PDE5A: variants seen among roughly 807,000 people sequenced by gnomAD.
PDE5A encodes the protein phosphodiesterase 5A, also known as cGMP-specific 3',5'-cyclic phosphodiesterase.
PDE5A carries 67 observed loss-of-function variants against 110.2 expected under a neutral mutation model. The ratio of observed to expected loss-of-function variants is 0.61; its 90% CI spans 0.50 to 0.75. The LOEUF is 0.75. Ranked by LOEUF, PDE5A falls within the 30% of genes least tolerant of loss-of-function variation. The probability of loss-of-function intolerance (pLI) is 0.00; values close to 1 mark genes in which losing one functional copy is unlikely to be tolerated. For missense variants in PDE5A, 862 were observed against 1,045.1 expected (o/e 0.82, Z 2.42); for synonymous variants, 328 against 351.2 (o/e 0.93, Z 0.74).
chr4:119,567,104 T>C lies in PDE5A; in HGVS notation c.872A>G (p.Asn291Ser). The C allele has an allele frequency of 4.3e-6, 7 of 1,613,594 alleles. No individual in the cohort carries two copies. Among genetic ancestry groups the C allele is most frequent in the Non-Finnish European group, 5.9e-6 (7 of 1,179,604 alleles). Residue 291 changes from asparagine to serine, a missense_variant, in exon 4 of 21, where the codon AAC becomes AGC. Physicochemically the swap from Asn to Ser is conservative, Grantham distance 46 (BLOSUM62 1). Transcript: ENST00000354960. ...ATCTTTTTCAGTAAATGTCCCACCG[T>C]TTCCTGATTTCTTGTTGATGGCCTG... ...VAQAINKKSG[N>S]GGTFTEKDEK... is the part of the protein sequence containing the mutation.
chr4:119,604,602 A>C lies in PDE5A; in HGVS notation c.741+2107T>G, dbSNP rs540803992. Among the ~76,000 whole-genome samples the C allele has an allele frequency of 3.3e-5, 5 of 152,296 alleles. No homozygotes were observed. The South Asian group carries it at 1.0e-3, about 32-fold the overall frequency. ...TCTATGAAGACCAGTAAATTTTTCCAAGAGAATCAAAATTGAACACATTGC... is the reference window on the plus strand; with the variant it reads ...TCTATGAAGACCAGTAAATTTTTCCCAGAGAATCAAAATTGAACACATTGC... On this transcript the variant is annotated intron_variant, in intron 2 of 20. Transcript: ENST00000354960.
chr4:119,517,010 C>T (rs1725932268), intron 14 of PDE5A: 1 of 152,168 alleles, frequency 6.6e-6, no homozygotes, highest in South Asian at 2.1e-4. Context: ...CTGTAGAACT[C>T]CTCTACGAGG....
intron 10 of PDE5A, chr4:119,541,932 T>C (rs980364567): frequency 2.0e-5 from 3 of 152,210 alleles, no homozygotes; most frequent in African/African-American, 7.2e-5. Flanking sequence ...AAGTAGGGTA[T>C]ATAAATTTAT....
chr4:119,553,372 G>C (rs924704088), intron 8 of PDE5A, among the ~76,000 whole-genome samples: 2 of 146,614 alleles, frequency 1.4e-5, no homozygotes, highest in South Asian at 2.1e-4. Context: ...ACATTATGTA[G>C]GTAATAGCTA....
intron 1 of PDE5A, among the ~76,000 whole-genome samples, chr4:119,615,654 T>C (rs1351856314): frequency 2.0e-5 from 3 of 150,662 alleles, no homozygotes; most frequent in Non-Finnish European, 4.4e-5. Context: ...ACAGTTTAAA[T>C]TACATCATAG....
intron 11 of PDE5A, among the ~76,000 whole-genome samples, chr4:119,530,815 T>C (rs1183662623): frequency 6.6e-6 from 1 of 152,172 alleles, no homozygotes; most frequent in Non-Finnish European, 1.5e-5. Context: ...ACAGTATTCA[T>C]ATTAGTAATG....
intron 1 of PDE5A, among the ~76,000 whole-genome samples, chr4:119,613,847 C>G (rs1225262235): frequency 6.6e-6 from 1 of 151,942 alleles, no homozygotes; most frequent in Non-Finnish European, 1.5e-5. Flanking sequence ...AATGTCTGAA[C>G]CACACCCATT....
At position 119,526,031 on chromosome 4, in the gene PDE5A, T is replaced by G. The variant is rs191459360; in HGVS notation, c.1633-336A>C. Among the ~76,000 whole-genome samples, 348 of 152,216 alleles carry G rather than the reference T, an allele frequency of 2.3e-3. 6 individuals are homozygous for G. The highest frequency in any genetic ancestry group is 4.6e-4 in the Non-Finnish European group (31 of 68,000). On this transcript the variant is annotated intron_variant, in intron 11 of 20. Transcript: ENST00000354960. ...CCAGTCTTATTCACTCAAAAGAAAT[T>G]TATAATTTATTGAGTAAATATTCTG...
chr4:119,518,119 TAAG>T (rs34736985), intron 14 of PDE5A, among the ~76,000 whole-genome samples: 2,291 of 152,316 alleles, frequency 0.015, 59 homozygotes, highest in African/African-American at 0.052. Context: ...TTTATTTAGA[TAAG>T]AAGAATGTGA....
At chr4:119,527,929 T>C (rs1193877847) in intron 11 of PDE5A, among the ~76,000 whole-genome samples, 3 of 152,136 alleles carry the variant, frequency 2.0e-5, no homozygotes, top group Non-Finnish European at 4.4e-5. Context: ...CTTATTTATA[T>C]GAGAGCACAA....
intron 3 of PDE5A, among the ~76,000 whole-genome samples, chr4:119,575,550 G>T (rs1464978630): frequency 1.3e-5 from 2 of 152,124 alleles, no homozygotes; most frequent in East Asian, 1.9e-4. Flanking sequence ...TTAAAGAAAA[G>T]AATTTTCAAC....
chr4:119,553,765 T>C lies in PDE5A; in HGVS notation c.1200-19A>G. On this transcript the variant is annotated intron_variant, in intron 7 of 20. Transcript: ENST00000354960. ...ATGTTCCCTGTGAAAATAACAGATA[T>C]GAGTTCCCTCTGTGCAGTTAAAAAA... 8.0e-7 allele frequency: 1 copy of C among 1,252,720 alleles called. No homozygotes were observed. Among genetic ancestry groups the C allele is most frequent in the Non-Finnish European group, 1.2e-6 (1 of 851,512 alleles). The allele number at this position is 1,252,720 out of a possible 1,614,324, so 77.6% of individuals were successfully genotyped here. A position where few individuals can be genotyped will look rare whatever the true frequency, so the allele number is the denominator to read the frequency against.
rs200968351 is a variant in PDE5A, at chr4:119,504,547, T to C, written c.2320A>G (p.Ile774Val). ...DLSAITKPWP[I>V]QQRIAELVAT... ...ACTAAGTAACATACCCGTTGTTGAA[T>C]AGGCCAGGGTTTTGTAATTGCAGAA... is the stretch of plus-strand genomic sequence containing the variant. The change falls in exon 18 of 21, where the codon ATT (isoleucine) becomes GTT (valine). Residue 774 changes from isoleucine (I) to valine (V), a missense_variant. Coordinates refer to ENST00000354960, the MANE Select transcript of PDE5A (RefSeq NM_001083.4). 42 of 1,611,508 alleles carry C rather than the reference T, an allele frequency of 2.6e-5. No individual in the cohort carries two copies. In the African/African-American group the frequency reaches 2.9e-4, roughly 11 times the overall value.
At chr4:119,540,442 G>A (rs965437024) in intron 10 of PDE5A, among the ~76,000 whole-genome samples, 2 of 152,132 alleles carry the variant, frequency 1.3e-5, no homozygotes, top group African/African-American at 4.8e-5. Flanking sequence ...TCCTGCACGT[G>A]TGAAATTGAT....
At chr4:119,506,015 A>T (rs1182876009) in intron 16 of PDE5A, 83 bp from the exon 17 acceptor site, 1 of 647,024 alleles carries the variant, frequency 1.5e-6, no homozygotes, top group African/African-American at 1.9e-5. Context: ...CATGGACTAA[A>T]TTTTGGTGAA....
chr4:119,528,140 T>C (rs1188216275), intron 11 of PDE5A, among the ~76,000 whole-genome samples: 2 of 152,108 alleles, frequency 1.3e-5, no homozygotes, highest in Non-Finnish European at 2.9e-5. Flanking sequence ...TCTGAGTTCT[T>C]CAATTGTATC....
intron 3 of PDE5A, among the ~76,000 whole-genome samples, chr4:119,571,162 C>G (rs1728129080): frequency 6.6e-6 from 1 of 152,150 alleles, no homozygotes; most frequent in Admixed American, 6.5e-5. Context: ...CATAACCGAT[C>G]CAGGCTTTCT....
At chr4:119,578,978 A>C (rs945509896) in intron 3 of PDE5A, among the ~76,000 whole-genome samples, 7 of 152,102 alleles carry the variant, frequency 4.6e-5, no homozygotes, top group African/African-American at 1.7e-4. Flanking sequence ...CAAAGAACTC[A>C]AACAAATTTA....
intron 3 of PDE5A, among the ~76,000 whole-genome samples, chr4:119,579,852 AG>A (rs1281791704): frequency 6.6e-6 from 1 of 150,800 alleles, no homozygotes; most frequent in Non-Finnish European, 1.5e-5. Context: ...AAAAAAAAAA[AG>A]ATCTGTGAGT....
Sources: gnomAD v4.1 joint callset for allele counts (sites outside exome capture counted in the v4.1 genomes callset) on GRCh38, gnomAD v4.1.1 for gene constraint, MANE v1.5 for transcripts, NCBI Gene and HGNC (gene_info 2026-07-23, HGNC 2026-07-21) for gene names.